The following WWOX variants were observed in gnomAD, a reference collection of about 807,000 sequenced individuals.
WWOX encodes the protein WW domain containing oxidoreductase.
In WWOX, 69 loss-of-function variants were observed where a neutral mutation model predicts 46.2. The ratio of observed to expected loss-of-function variants is 1.49; its 90% CI spans 1.23 to 1.82. The LOEUF (loss-of-function observed/expected upper bound fraction) is 1.82, where lower values mean the gene tolerates loss of function less well. Ranked by LOEUF, WWOX falls within the 40% of genes most tolerant of loss-of-function variation. The probability of loss-of-function intolerance (pLI) is 0.00; values close to 1 mark genes in which losing one functional copy is unlikely to be tolerated. For synonymous variants in WWOX, 359 were observed against 202.6 expected (o/e 1.77, Z -6.56); for missense variants, 919 against 542.6 (o/e 1.69, Z -6.89).
intron 8 of WWOX, among the ~76,000 whole-genome samples, chr16:78,705,589 A>G (rs937575228): frequency 3.9e-5 from 6 of 152,240 alleles, no homozygotes; most frequent in African/African-American, 1.4e-4. Context: ...GGAGGGTTTC[A>G]TGCAGTAAAT....
At chr16:78,180,903 C>T (rs1424227778) in intron 5 of WWOX, among the ~76,000 whole-genome samples, 2 of 151,952 alleles carry the variant, frequency 1.3e-5, no homozygotes, top group African/African-American at 2.4e-5. Flanking sequence ...AAGGTTGATC[C>T]GAAGTTAGTA....
chr16:79,000,557 G>A (rs1597257984), intron 8 of WWOX, among the ~76,000 whole-genome samples: 4 of 152,228 alleles, frequency 2.6e-5, no homozygotes, highest in Admixed American at 1.3e-4. Flanking sequence ...GGGAGGAAGC[G>A]TCCAGGAGCC....
At chr16:78,596,629 T>C (rs540824191) in intron 8 of WWOX, among the ~76,000 whole-genome samples, 130 of 152,258 alleles carry the variant, frequency 8.5e-4, no homozygotes, top group South Asian at 8.3e-4. Flanking sequence ...AACATGCTGA[T>C]TTCAAGGTCC....
intron 5 of WWOX, among the ~76,000 whole-genome samples, chr16:78,316,292 G>C (rs567120926): frequency 6.6e-6 from 1 of 152,220 alleles, no homozygotes; most frequent in East Asian, 1.9e-4. Flanking sequence ...ACAGAATATT[G>C]TTCTGTTGTG....
intron 5 of WWOX, among the ~76,000 whole-genome samples, chr16:78,325,117 C>G (rs982293017): frequency 6.6e-6 from 1 of 152,152 alleles, no homozygotes; most frequent in Non-Finnish European, 1.5e-5. Flanking sequence ...GGTCCCGTCA[C>G]AGGGCTGTGG....
At chr16:78,902,645 T>C (rs13334368) in intron 8 of WWOX, among the ~76,000 whole-genome samples, 21,504 of 152,274 alleles carry the variant, frequency 0.14, 2,968 homozygotes, top group African/African-American at 0.35. Flanking sequence ...TTACCATGGG[T>C]AAACCATTAG....
At chr16:78,541,544 T>A (rs1467515830) in intron 8 of WWOX, among the ~76,000 whole-genome samples, 3 of 139,292 alleles carry the variant, frequency 2.2e-5, no homozygotes, top group Non-Finnish European at 3.1e-5. Flanking sequence ...AGAAATACAC[T>A]GAGATATCTA....
chr16:78,583,954 C>T (rs570849167), intron 8 of WWOX, among the ~76,000 whole-genome samples: 2 of 152,320 alleles, frequency 1.3e-5, no homozygotes, highest in African/African-American at 2.4e-5. Flanking sequence ...TCCCCAGCCT[C>T]CTTGCTCCCA....
intron 8 of WWOX, among the ~76,000 whole-genome samples, chr16:79,097,656 G>A (rs142667490): frequency 6.6e-6 from 1 of 152,158 alleles, no homozygotes; most frequent in Non-Finnish European, 1.5e-5. Flanking sequence ...TTAGGTTTGT[G>A]TGCTAGGGGT....
intron 5 of WWOX, among the ~76,000 whole-genome samples, chr16:78,178,532 C>G (rs1245966888): frequency 6.6e-6 from 1 of 152,206 alleles, no homozygotes; most frequent in South Asian, 2.1e-4. Context: ...AGTGCTAGAC[C>G]ACATCCTTTC....
At chr16:78,614,040 A>C (rs78204114) in intron 8 of WWOX, among the ~76,000 whole-genome samples, 2 of 152,216 alleles carry the variant, frequency 1.3e-5, no homozygotes, top group Non-Finnish European at 2.9e-5. Context: ...AATATTTACT[A>C]TCTGGCTCTT....
intron 8 of WWOX, among the ~76,000 whole-genome samples, chr16:78,926,310 T>C (rs1315808384): frequency 6.6e-6 from 1 of 151,580 alleles, no homozygotes; most frequent in African/African-American, 2.4e-5. Flanking sequence ...GAGGTGGAGA[T>C]TGCAGTGAGC....
At chr16:78,743,527 C>A (rs7192009) in intron 8 of WWOX, among the ~76,000 whole-genome samples, 3 of 152,012 alleles carry the variant, frequency 2.0e-5, no homozygotes, top group Non-Finnish European at 4.4e-5. Context: ...AAGGCTGATT[C>A]ACGTTGACTT....
At chr16:79,153,338 A>C (rs2050318048) in intron 8 of WWOX, among the ~76,000 whole-genome samples, 1 of 152,112 alleles carries the variant, frequency 6.6e-6, no homozygotes, top group Non-Finnish European at 1.5e-5. Context: ...AGTCACGCCA[A>C]GCCGCCCTTT....
intron 8 of WWOX, among the ~76,000 whole-genome samples, chr16:78,927,980 G>C (rs1022458681): frequency 2.6e-5 from 4 of 151,848 alleles, no homozygotes; most frequent in African/African-American, 9.7e-5. Flanking sequence ...GGGTTTTTGT[G>C]TGTGTGTGTA....
intron 5 of WWOX, among the ~76,000 whole-genome samples, chr16:78,250,833 A>G (rs2037965092): frequency 6.6e-6 from 1 of 152,180 alleles, no homozygotes; most frequent in Non-Finnish European, 1.5e-5. Flanking sequence ...TGTGGTTTAT[A>G]TCACACCTTC....
At chr16:78,395,855 C>A (rs532817506) in intron 6 of WWOX, among the ~76,000 whole-genome samples, 1 of 152,000 alleles carries the variant, frequency 6.6e-6, no homozygotes, top group African/African-American at 2.4e-5. Context: ...AGTTTTCTTT[C>A]GGAGTAAATG....
intron 6 of WWOX, among the ~76,000 whole-genome samples, chr16:78,390,392 C>T (rs186800115): frequency 2.0e-5 from 3 of 152,320 alleles, no homozygotes; most frequent in South Asian, 2.1e-4. Flanking sequence ...TTGGAGGAAA[C>T]TCTCACCCAT....
chr16:78,573,524 C>G (rs953361604), intron 8 of WWOX, among the ~76,000 whole-genome samples: 2 of 152,208 alleles, frequency 1.3e-5, no homozygotes, highest in East Asian at 3.8e-4. Flanking sequence ...TGTCACATCA[C>G]TCCTCTGCTC....
Sources: allele counts gnomAD v4.1 joint callset (sites outside exome capture counted in the v4.1 genomes callset), GRCh38; gene constraint gnomAD v4.1.1; transcripts MANE v1.5; gene names NCBI Gene and HGNC (gene_info 2026-07-23, HGNC 2026-07-21).